RP1L1: variants seen among roughly 807,000 people sequenced by gnomAD.
The protein encoded by RP1L1 is retinitis pigmentosa 1-like 1 protein.
A neutral mutation model predicts 15.7 loss-of-function variants in RP1L1; 27 were observed. The observed-to-expected ratio is 1.72, with a 90% CI of 1.27 to 2.38. The LOEUF (loss-of-function observed/expected upper bound fraction) is 2.38, where lower values mean the gene tolerates loss of function less well. RP1L1 is among the 30% of genes most tolerant of loss of function. The pLI is 0.00. For synonymous variants in RP1L1, 1,813 were observed against 1,276.7 expected, an observed-to-expected ratio of 1.42 and a Z score of -8.96; for missense variants, 4,798 against 3,075.9, an observed-to-expected ratio of 1.56 and a Z score of -13.24.
At chr8:10,624,235 G>C (rs1397237911) in intron 1 of RP1L1, among the ~76,000 whole-genome samples, 2 of 152,218 alleles carry the variant, frequency 1.3e-5, no homozygotes, top group African/African-American at 4.8e-5. Flanking sequence ...AGCATCTATT[G>C]CATCAGGCTC....
In RP1L1 at chr8:10,643,775, G is replaced by A. The variant is rs138164802; in HGVS notation, c.-20+11123C>T. Among the ~76,000 whole-genome samples the A allele has an allele frequency of 4.1e-3, 618 of 152,054 alleles. 5 individuals are homozygous for A. Among genetic ancestry groups the A allele is most frequent in the Non-Finnish European group, 4.4e-3 (298 of 67,974 alleles). On this transcript the variant is annotated intron_variant, in intron 1 of 3. Transcript: ENST00000382483. Reference sequence around the variant, plus strand: ...ACACTGCAGCCTTGCCTGGGGCCTCGCTGGCTACCTCTCACCTGGGCAGGT... The same window carrying A: ...ACACTGCAGCCTTGCCTGGGGCCTCACTGGCTACCTCTCACCTGGGCAGGT...
Position 10,608,235 on chromosome 8 carries a change from G to T in RP1L1, c.5863C>A (p.Gln1955Lys). 1 of 1,566,492 alleles carries T rather than the reference G, an allele frequency of 6.4e-7. No homozygotes were observed. Among genetic ancestry groups the T allele is most frequent in the Non-Finnish European group, 8.7e-7 (1 of 1,154,110 alleles). Residue 1955 changes from glutamine (Q) to lysine (K), a missense_variant, in exon 4 of 4, where the codon CAG (glutamine) becomes AAG (lysine). By Grantham distance (53) the Gln-to-Lys change is moderately conservative (BLOSUM62 1). Transcript: ENST00000382483. ...EAAQEAEGQT[Q>K]PESEVIESQE... ...GACTCTATAACTTCTGACTCTGGCT[G>T]GGTCTGCCCTTCTGCCTCCTGGGCC...
chr8:10,651,578 T>G lies in RP1L1; in HGVS notation c.-20+3320A>C, dbSNP rs535580293. On this transcript the variant is annotated intron_variant, in intron 1 of 3. Transcript: ENST00000382483. Reference sequence around the variant, plus strand: ...CCCATCTCTACTAAAAATACAAAAATTAGCTGGGTGTGGTGTCACGTGCCT... The same window carrying G: ...CCCATCTCTACTAAAAATACAAAAAGTAGCTGGGTGTGGTGTCACGTGCCT... Among the ~76,000 whole-genome samples the G allele has an allele frequency of 2.6e-5, 4 of 151,832 alleles. No individual in the cohort carries two copies. In the South Asian group the frequency reaches 8.4e-4, roughly 32 times the overall value.
intron 1 of RP1L1, among the ~76,000 whole-genome samples, chr8:10,653,576 G>A (rs1050822402): frequency 3.3e-5 from 5 of 151,176 alleles, no homozygotes; most frequent in Admixed American, 2.0e-4. Flanking sequence ...ACACTCATGT[G>A]CACACACCCA....
intron 3 of RP1L1, among the ~76,000 whole-genome samples, chr8:10,615,198 G>C (rs114000876): frequency 1.3e-5 from 2 of 152,162 alleles, no homozygotes; most frequent in Non-Finnish European, 2.9e-5. Context: ...CTGACCTACA[G>C]TGATCACTGA....
chr8:10,616,694 G>A, intron 2 of RP1L1, 107 bp from the exon 3 acceptor site: 4 of 1,282,050 alleles, frequency 3.1e-6, no homozygotes, highest in Non-Finnish European at 4.2e-6. Flanking sequence ...CCTGATTTCT[G>A]CACATCTCAC....
At chr8:10,628,506 C>G (rs753902909) in intron 1 of RP1L1, among the ~76,000 whole-genome samples, 1 of 152,126 alleles carries the variant, frequency 6.6e-6, no homozygotes, top group East Asian at 1.9e-4. Flanking sequence ...ATCCAGGAAG[C>G]CCAGGCTAAG....
chr8:10,626,836 G>A (rs751455515), intron 1 of RP1L1, among the ~76,000 whole-genome samples: 10 of 152,162 alleles, frequency 6.6e-5, no homozygotes, highest in Admixed American at 2.6e-4. Context: ...GTGTGATTTC[G>A]ATTGATTCTG....
chr8:10,641,209 A>G (rs1440223390), intron 1 of RP1L1, among the ~76,000 whole-genome samples: 1 of 152,232 alleles, frequency 6.6e-6, no homozygotes, highest in Non-Finnish European at 1.5e-5. Flanking sequence ...AGATGGAGCC[A>G]TATGAGAAGT....
Position 10,612,138 on chromosome 8 carries a change from G to T in RP1L1, c.1960C>A (p.Pro654Thr). 6.2e-7 allele frequency: 1 copy of T among 1,613,624 alleles called. No individual in the cohort carries two copies. Among genetic ancestry groups the T allele is most frequent in the Non-Finnish European group, 8.5e-7 (1 of 1,180,028 alleles). Reference sequence around the variant, plus strand: ...CTCGGGGCCACTCGGCCAAGGCCAGGGCTGCTGGGTGAGGACATTGCACTG... The same window carrying T: ...CTCGGGGCCACTCGGCCAAGGCCAGTGCTGCTGGGTGAGGACATTGCACTG... ...RASAMSSPSS[P>T]GLGRVAPRGH... is the part of the protein sequence containing the mutation. Residue 654 changes from proline to threonine, a missense_variant, in exon 4 of 4, where the codon CCT becomes ACT. Pro to Thr is a conservative substitution (Grantham distance 38). Coordinates refer to ENST00000382483, the MANE Select transcript of RP1L1 (RefSeq NM_178857.6).
At position 10,608,301 on chromosome 8, in the gene RP1L1, G is replaced by A. The variant is rs758829200; in HGVS notation, c.5797C>T (p.Pro1933Ser). The A allele has an allele frequency of 2.5e-6, 4 of 1,607,412 alleles. No individual in the cohort carries two copies. The highest frequency in any genetic ancestry group is 2.3e-5 in the East Asian group (1 of 44,432). The change falls in exon 4 of 4, where the codon CCA (proline) becomes TCA (serine). Residue 1933 changes from proline to serine, a missense_variant. By Grantham distance (74) the Pro-to-Ser change is moderately conservative. Transcript: ENST00000382483. Reference protein sequence around the residue: ...EALETEGEDEPESEGAEAQEA... With the variant: ...EALETEGEDESESEGAEAQEA... ...TGGGCCTCTGCACCTTCTGACTCTG[G>A]CTCGTCCTCCCCTTCAGTCTCCAGG...
chr8:10,618,022 C>T (rs1196898131), intron 2 of RP1L1, among the ~76,000 whole-genome samples: 1 of 152,142 alleles, frequency 6.6e-6, no homozygotes, highest in African/African-American at 2.4e-5. Context: ...AACTCAAAAG[C>T]ATCCTTGCAT....
At chr8:10,619,318 C>G (rs957273719) in intron 2 of RP1L1, among the ~76,000 whole-genome samples, 2 of 152,240 alleles carry the variant, frequency 1.3e-5, no homozygotes, top group African/African-American at 4.8e-5. Context: ...TCCTTTTGTT[C>G]CTGACTCTTG....
intron 1 of RP1L1, among the ~76,000 whole-genome samples, chr8:10,630,894 G>C (rs1798230709): frequency 6.6e-6 from 1 of 152,348 alleles, no homozygotes; most frequent in South Asian, 2.1e-4. Context: ...ATCGCAGCGG[G>C]AGAAATTGGA....
At chr8:10,619,082 C>T (rs1366162964) in intron 2 of RP1L1, among the ~76,000 whole-genome samples, 1 of 152,164 alleles carries the variant, frequency 6.6e-6, no homozygotes, top group Non-Finnish European at 1.5e-5. Context: ...GTTGCCCAGG[C>T]TGGTCTCAAA....
intron 1 of RP1L1, among the ~76,000 whole-genome samples, chr8:10,645,672 G>C (rs886781470): frequency 4.6e-5 from 7 of 152,182 alleles, no homozygotes; most frequent in Non-Finnish European, 1.0e-4. Flanking sequence ...GGAAGGGAAG[G>C]AGTCGCGAGG....
intron 2 of RP1L1, among the ~76,000 whole-genome samples, chr8:10,620,590 G>A (rs1434061403): frequency 6.6e-6 from 1 of 152,132 alleles, no homozygotes; most frequent in Non-Finnish European, 1.5e-5. Flanking sequence ...TGGGTGACAA[G>A]AGTGAGACTC....
At chr8:10,636,789 C>T (rs1415637759) in intron 1 of RP1L1, among the ~76,000 whole-genome samples, 1 of 152,232 alleles carries the variant, frequency 6.6e-6, no homozygotes, top group Non-Finnish European at 1.5e-5. Flanking sequence ...CCCTCCCCTG[C>T]CCAGCAGCAG....
At chr8:10,625,565 C>T (rs1585983691) in intron 1 of RP1L1, among the ~76,000 whole-genome samples, 2 of 152,074 alleles carry the variant, frequency 1.3e-5, no homozygotes, top group Admixed American at 6.5e-5. Context: ...GCTCCATAGG[C>T]GGAGGGCTTC....
Sources: allele counts gnomAD v4.1 joint callset (sites outside exome capture counted in the v4.1 genomes callset), GRCh38; gene constraint gnomAD v4.1.1; transcripts MANE v1.5; gene names NCBI Gene and HGNC (gene_info 2026-07-23, HGNC 2026-07-21).